PPARGC1A: variants seen among roughly 807,000 people sequenced by gnomAD.
PPARGC1A encodes PPARG coactivator 1 alpha.
PPARGC1A carries 25 observed loss-of-function variants against 88.7 expected under a neutral mutation model. That is an observed-to-expected ratio of 0.28 (90% CI 0.21 to 0.39). The LOEUF (loss-of-function observed/expected upper bound fraction) is 0.39. PPARGC1A is among the 10% of genes least tolerant of loss of function. The pLI, the probability that PPARGC1A is intolerant of heterozygous loss-of-function variation, is 1.00. For missense variants in PPARGC1A, 880 were observed against 968.7 expected, an observed-to-expected ratio of 0.91 and a Z score of 1.22; for synonymous variants, 363 against 355.6, an observed-to-expected ratio of 1.02 and a Z score of -0.24.
the PPARGC1A span, among the ~76,000 whole-genome samples, chr4:24,207,710 A>T: frequency 1.3e-5 from 2 of 152,250 alleles, no homozygotes; most frequent in Non-Finnish European, 2.9e-5. Context: ...AATTTAAAAA[A>T]ATTTCCTCAG....
At chr4:24,118,822 AAATTAAGTGG>A in the PPARGC1A span, among the ~76,000 whole-genome samples, 1 of 152,140 alleles carries the variant, frequency 6.6e-6, no homozygotes, top group Non-Finnish European at 1.5e-5. Flanking sequence ...CTTGCATAGA[AAATTAAGTGG>A]AGGTCAACAC....
chr4:24,330,803 A>G, the PPARGC1A span, among the ~76,000 whole-genome samples: 1 of 152,100 alleles, frequency 6.6e-6, no homozygotes, highest in East Asian at 1.9e-4. Flanking sequence ...TGGCTTCAGA[A>G]CCCAGGCTTT....
At chr4:24,189,736 C>A in the PPARGC1A span, among the ~76,000 whole-genome samples, 1 of 152,068 alleles carries the variant, frequency 6.6e-6, no homozygotes, top group Non-Finnish European at 1.5e-5. Flanking sequence ...GTCTAAGCAC[C>A]CGGCACCCTC....
the PPARGC1A span, among the ~76,000 whole-genome samples, chr4:24,352,274 G>A: frequency 6.6e-6 from 1 of 152,084 alleles, no homozygotes; most frequent in Non-Finnish European, 1.5e-5. Context: ...CAGCTCAAAG[G>A]CATCACTCCA....
At chr4:23,830,804 G>A (rs1724859444) in intron 3 of PPARGC1A, among the ~76,000 whole-genome samples, 1 of 152,118 alleles carries the variant, frequency 6.6e-6, no homozygotes, top group African/African-American at 2.4e-5. Context: ...TAAAACTCTG[G>A]TCAAGCACTG....
At chr4:24,063,740 C>T in the PPARGC1A span, among the ~76,000 whole-genome samples, 5 of 152,132 alleles carry the variant, frequency 3.3e-5, no homozygotes, top group African/African-American at 1.2e-4. Flanking sequence ...GTTCGAGCTT[C>T]CCCCTACTGC....
chr4:24,468,903 T>C, the PPARGC1A span, among the ~76,000 whole-genome samples: 2 of 152,206 alleles, frequency 1.3e-5, no homozygotes, highest in Admixed American at 1.3e-4. Flanking sequence ...CTGCTACTGA[T>C]GTTGCAGAAA....
the PPARGC1A span, among the ~76,000 whole-genome samples, chr4:23,945,281 A>G: frequency 1.3e-5 from 2 of 152,202 alleles, no homozygotes; most frequent in Admixed American, 1.3e-4. Context: ...CATTTTAGGT[A>G]CCAAAAATAT....
At chr4:24,388,877 GT>G in the PPARGC1A span, among the ~76,000 whole-genome samples, 1 of 152,124 alleles carries the variant, frequency 6.6e-6, no homozygotes, top group Admixed American at 6.5e-5. Context: ...TAGATGACGG[GT>G]TGATGGGTGC....
At chr4:24,387,814 A>AGAG in the PPARGC1A span, among the ~76,000 whole-genome samples, 1 of 107,902 alleles carries the variant, frequency 9.3e-6, no homozygotes, top group Admixed American at 1.1e-4. Context: ...GAAAGAAAGA[A>AGAG]AGAAAGAAAG....
chr4:24,134,631 A>C, the PPARGC1A span, among the ~76,000 whole-genome samples: 1 of 152,218 alleles, frequency 6.6e-6, no homozygotes, highest in East Asian at 1.9e-4. Context: ...TATTTTTCTA[A>C]TTGCTAAATT....
the PPARGC1A span, among the ~76,000 whole-genome samples, chr4:24,369,243 C>G: frequency 6.6e-6 from 1 of 152,182 alleles, no homozygotes; most frequent in African/African-American, 2.4e-5. Flanking sequence ...ATCACTCTTA[C>G]ATAGCTAAGA....
At chr4:24,301,633 C>A in the PPARGC1A span, among the ~76,000 whole-genome samples, 5 of 147,272 alleles carry the variant, frequency 3.4e-5, no homozygotes, top group Non-Finnish European at 5.9e-5. Flanking sequence ...AAAAAGAGTA[C>A]GTGCATGTGG....
At chr4:24,332,126 G>A in the PPARGC1A span, among the ~76,000 whole-genome samples, 4 of 150,824 alleles carry the variant, frequency 2.7e-5, no homozygotes, top group African/African-American at 7.3e-5. Context: ...TTTTGTTTTT[G>A]TTATTGTTTT....
At chr4:24,420,757 G>A in the PPARGC1A span, among the ~76,000 whole-genome samples, 1 of 152,076 alleles carries the variant, frequency 6.6e-6, no homozygotes, top group Non-Finnish European at 1.5e-5. Flanking sequence ...CTGTTGAACC[G>A]GGGTAGCGTT....
chr4:23,829,364 G>T (rs1193486102), intron 4 of PPARGC1A, 99 bp downstream of exon 4: 4 of 1,312,166 alleles, frequency 3.0e-6, no homozygotes, highest in Middle Eastern at 2.5e-4. Context: ...CAGCTTCGGG[G>T]TCCCAGCTGA....
At chr4:24,400,077 C>T in the PPARGC1A span, among the ~76,000 whole-genome samples, 1 of 152,168 alleles carries the variant, frequency 6.6e-6, no homozygotes, top group Admixed American at 6.5e-5. Context: ...TGAGCCACCA[C>T]ACCTGGGGGA....
chr4:24,162,946 T>C, the PPARGC1A span, among the ~76,000 whole-genome samples: 1 of 151,936 alleles, frequency 6.6e-6, no homozygotes, highest in African/African-American at 2.4e-5. Flanking sequence ...TGCAAGTGTT[T>C]TGTTACATTT....
chr4:24,100,400 C>A, the PPARGC1A span, among the ~76,000 whole-genome samples: 1 of 152,282 alleles, frequency 6.6e-6, no homozygotes, highest in South Asian at 2.1e-4. Context: ...TCTCAGGGAT[C>A]TCATTTTTCA....
Sources: allele counts gnomAD v4.1 joint callset (sites outside exome capture counted in the v4.1 genomes callset), GRCh38; gene constraint gnomAD v4.1.1; transcripts MANE v1.5; gene names NCBI Gene and HGNC (gene_info 2026-07-23, HGNC 2026-07-21).